Variants in CHN2 observed in about 807,000 individuals in gnomAD.
CHN2 encodes chimerin 2, also known as beta-chimaerin.
In CHN2, 35 loss-of-function variants were observed where a neutral mutation model predicts 56.3. The observed-to-expected ratio is 0.62, with a 90% CI of 0.47 to 0.82. CHN2 has a LOEUF of 0.82. CHN2 is among the 40% of genes least tolerant of loss of function. The pLI is 0.00. For missense variants in CHN2, 491 were observed against 580.5 expected, an observed-to-expected ratio of 0.85 and a Z score of 1.58; for synonymous variants, 210 against 212.8, an observed-to-expected ratio of 0.99 and a Z score of 0.12.
chr7:29,453,552 G>A (rs1036080062), intron 6 of CHN2, among the ~76,000 whole-genome samples: 2 of 152,088 alleles, frequency 1.3e-5, no homozygotes, highest in Non-Finnish European at 2.9e-5. Flanking sequence ...GCCCCCCCAC[G>A]CCATAGCATT....
intron 1 of CHN2, among the ~76,000 whole-genome samples, chr7:29,324,410 C>T (rs565032390): frequency 6.6e-5 from 10 of 152,222 alleles, no homozygotes; most frequent in African/African-American, 1.4e-4. Flanking sequence ...TCTCAAAGTC[C>T]GCTTGGCCCA....
intron 3 of CHN2, among the ~76,000 whole-genome samples, chr7:29,391,238 C>G (rs1801338276): frequency 6.6e-6 from 1 of 151,630 alleles, no homozygotes; most frequent in Admixed American, 6.6e-5. Flanking sequence ...TTCTGTCTTT[C>G]CTATCCCCTA....
rs932310977 is a variant in CHN2 at position 29,163,728 on chromosome 7, T to A, written c.274+16768T>A. Among the ~76,000 whole-genome samples, 5 of 152,328 alleles carry A rather than the reference T, an allele frequency of 3.3e-5. No homozygotes were observed. In the East Asian group the frequency reaches 9.6e-4, roughly 29 times the overall value. ...ATCTCTGTCACCAGGCAATTGCTGATCAGCTTTCCATTACTATAGATTAGC... is the reference window on the plus strand; with the variant it reads ...ATCTCTGTCACCAGGCAATTGCTGAACAGCTTTCCATTACTATAGATTAGC... On this transcript the variant is annotated intron_variant, in intron 2 of 6. Coordinates refer to the CHN2 transcript ENST00000439384.
intron 3 of CHN2, among the ~76,000 whole-genome samples, chr7:29,390,901 T>G (rs1562569668): frequency 6.6e-6 from 1 of 152,132 alleles, no homozygotes; most frequent in Non-Finnish European, 1.5e-5. Context: ...TTATCCACCT[T>G]GAAGAAATGT....
chr7:29,167,944 G>A (rs1266267913), intron 2 of CHN2, among the ~76,000 whole-genome samples: 1 of 152,168 alleles, frequency 6.6e-6, no homozygotes, highest in Non-Finnish European at 1.5e-5. Context: ...CAACATCGGA[G>A]GTAACTGTTG....
chr7:29,389,720 T>C (rs1801208889), intron 3 of CHN2, among the ~76,000 whole-genome samples: 1 of 152,174 alleles, frequency 6.6e-6, no homozygotes, highest in Admixed American at 6.5e-5. Context: ...CTCTTGTAGA[T>C]GATGCTTATT....
intron 6 of CHN2, chr7:29,401,377 T>G (rs951629059): frequency 6.6e-6 from 1 of 152,210 alleles, no homozygotes; most frequent in African/African-American, 2.4e-5. Flanking sequence ...TTCTACCAAG[T>G]CATTTGTGGG....
In CHN2 at chr7:29,479,845, G is replaced by A. The variant is rs1231734879; in HGVS notation, c.577-434G>A. 1.7e-5 allele frequency: 23 copies of A among 1,323,160 alleles called. No homozygotes were observed. The East Asian group carries it at 4.3e-4, about 24-fold the overall frequency. 82.0% of individuals were successfully genotyped at this position (1,323,160 alleles called of 1,614,324 possible). A position where few individuals can be genotyped will look rare whatever the true frequency, so the allele number is the denominator to read the frequency against. ...GGCTGACTGGATACCGCTTCTGGGG[G>A]TTGCTGTGCACATGAATGTTTGCTA... On this transcript the variant is annotated intron_variant, in intron 6 of 12. Coordinates refer to ENST00000222792, the MANE Select transcript of CHN2 (RefSeq NM_004067.4).
chr7:29,365,715 A>T (rs1398657156), intron 2 of CHN2, among the ~76,000 whole-genome samples: 2 of 152,210 alleles, frequency 1.3e-5, no homozygotes, highest in Non-Finnish European at 2.9e-5. Context: ...AGCATGACAC[A>T]TGGTAACACT....
In CHN2 at chr7:29,480,353, T is replaced by G. The variant is rs772289468; in HGVS notation, c.651T>G (p.Phe217Leu). 2.5e-6 allele frequency: 4 copies of G among 1,613,956 alleles called. No homozygotes were observed. The African/African-American group carries it at 4.0e-5, about 16-fold the overall frequency. The change falls in exon 7 of 13, where the codon TTT becomes TTG. Residue 217 changes from phenylalanine to leucine, a missense_variant. Coordinates refer to ENST00000222792, the MANE Select transcript of CHN2 (RefSeq NM_004067.4). ...NHFNYEKTHN[F>L]KVHTFRGPHW... is the part of the protein sequence containing the mutation. ...TCAATTATGAGAAGACACACAACTT[T>G]AAGGTAAGCAAGCCTCTGCATTCCT...
At chr7:29,279,417 G>A (rs773772441) in intron 1 of CHN2, among the ~76,000 whole-genome samples, 1 of 152,278 alleles carries the variant, frequency 6.6e-6, no homozygotes, top group Non-Finnish European at 1.5e-5. Flanking sequence ...GAAGTGCCAA[G>A]TTAGTTGTTT....
chr7:29,310,196 G>A (rs562366034), intron 1 of CHN2, among the ~76,000 whole-genome samples: 5 of 152,070 alleles, frequency 3.3e-5, no homozygotes, highest in Non-Finnish European at 5.9e-5. Context: ...GGAATGTTCA[G>A]TAATAGAAAA....
chr7:29,288,253 G>T (rs533976576), intron 1 of CHN2, among the ~76,000 whole-genome samples: 1 of 152,246 alleles, frequency 6.6e-6, no homozygotes, highest in South Asian at 2.1e-4. Flanking sequence ...GTCAATTCTC[G>T]CTGGTTTCCC....
intron 6 of CHN2, among the ~76,000 whole-genome samples, chr7:29,423,781 A>G (rs137856398): frequency 3.2e-4 from 48 of 152,302 alleles, no homozygotes; most frequent in African/African-American, 1.0e-3. Flanking sequence ...TCTCCTTTCC[A>G]TGGGACTTCA....
chr7:29,290,041 G>T (rs981814404), intron 1 of CHN2, among the ~76,000 whole-genome samples: 2 of 152,216 alleles, frequency 1.3e-5, no homozygotes, highest in Non-Finnish European at 2.9e-5. Context: ...TGAAGTTCAA[G>T]GTATTAGAAT....
At chr7:29,378,896 C>T (rs1461320294) in intron 3 of CHN2, among the ~76,000 whole-genome samples, 2 of 152,098 alleles carry the variant, frequency 1.3e-5, no homozygotes, top group Non-Finnish European at 2.9e-5. Flanking sequence ...ACCCAGGAGG[C>T]GGAGGTTGCA....
rs182176205 is a variant in CHN2, at chr7:29,340,828, G to A, written c.50-13797G>A. ...TAATTCCCTGGCACATAAAGGGTGC[G>A]CTTGTTTCCTTAAGGAAGGAAGAAT... On this transcript the variant is annotated intron_variant, in intron 1 of 12. Transcript: ENST00000222792. Among the ~76,000 whole-genome samples the A allele has an allele frequency of 5.9e-5, 9 of 152,296 alleles. No individual in the cohort carries two copies. The East Asian group carries it at 1.2e-3, about 20-fold the overall frequency.
chr7:29,512,818 A>C lies in CHN2; in HGVS notation c.*83A>C. The C allele has an allele frequency of 1.4e-6, 2 of 1,451,958 alleles. No individual in the cohort carries two copies. The highest frequency in any genetic ancestry group is 9.3e-7 in the Non-Finnish European group (1 of 1,075,572). The allele number at this position is 1,451,958 out of a possible 1,614,324, so 89.9% of individuals were successfully genotyped here. On this transcript the variant is annotated 3_prime_UTR_variant, in exon 13 of 13. Coordinates refer to ENST00000222792, the MANE Select transcript of CHN2 (RefSeq NM_004067.4). ...GAATAAAAACATTTCTTACCACTTG[A>C]TTTGTTTTCCAAGCAAGTGCTAGAA...
At chr7:29,396,593 G>A (rs938510459) in intron 4 of CHN2, 1 of 151,468 alleles carries the variant, frequency 6.6e-6, no homozygotes, top group Non-Finnish European at 1.5e-5. Flanking sequence ...TCCTGCTATT[G>A]TTACTCTGGC....
Sources: gnomAD v4.1 joint callset for allele counts (sites outside exome capture counted in the v4.1 genomes callset) on GRCh38, gnomAD v4.1.1 for gene constraint, MANE v1.5 for transcripts, NCBI Gene and HGNC (gene_info 2026-07-23, HGNC 2026-07-21) for gene names.